The following OR13A1 variants were observed in gnomAD, a reference collection of about 807,000 sequenced individuals.
OR13A1 encodes the protein olfactory receptor 13A1.
OR13A1 carries 10 observed loss-of-function variants against 7.5 expected under a neutral mutation model. That is an observed-to-expected ratio of 1.34 (90% CI 0.83 to 2.27). OR13A1 has a LOEUF of 2.27. Among genes scored for constraint, OR13A1 ranks in the 30% most tolerant of loss-of-function variants. OR13A1 has a pLI of 0.00. For missense variants in OR13A1, 509 were observed against 419.1 expected (o/e 1.21, Z -1.87); for synonymous variants, 238 against 177.9 (o/e 1.34, Z -2.69).
At chr10:45,304,711 G>C (rs1407686017) in intron 3 of OR13A1, among the ~76,000 whole-genome samples, 1 of 152,142 alleles carries the variant, frequency 6.6e-6, no homozygotes, top group Non-Finnish European at 1.5e-5. Flanking sequence ...AGAAAAGCAT[G>C]ATATTAACTA....
In OR13A1 at chr10:45,304,187, A is replaced by T; in HGVS notation, c.236T>A (p.Phe79Tyr). 1 of 1,614,224 alleles carries T rather than the reference A, an allele frequency of 6.2e-7. No individual in the cohort carries two copies. Among genetic ancestry groups the T allele is most frequent in the Non-Finnish European group, 8.5e-7 (1 of 1,180,042 alleles). Residue 79 changes from phenylalanine (F) to tyrosine (Y), a missense_variant, in exon 4 of 4, where the codon TTT becomes TAT. Phe to Tyr is a conservative substitution (Grantham distance 22). Coordinates refer to ENST00000553795, the MANE Select transcript of OR13A1 (RefSeq NM_001004297.3). ...CATAGTAGCCAAGTTGAGTAAGAAA[A>T]AGTACATAGGAGCGTGGAGCCCAGG... is the stretch of plus-strand genomic sequence containing the variant. ...FNPGLHAPMY[F>Y]FLLNLATMDI...
At chr10:45,309,880 C>T (rs962017650) in intron 1 of OR13A1, among the ~76,000 whole-genome samples, 1 of 152,154 alleles carries the variant, frequency 6.6e-6, no homozygotes, top group South Asian at 2.1e-4. Flanking sequence ...TCTTAAATAG[C>T]TGCAGAAACT....
chr10:45,312,227 A>C (rs1838459296), intron 1 of OR13A1, among the ~76,000 whole-genome samples: 2 of 152,142 alleles, frequency 1.3e-5, no homozygotes, highest in South Asian at 4.1e-4. Flanking sequence ...AAATGTAATG[A>C]AAAATATAAA....
Position 45,303,719 on chromosome 10 carries a change from G to T in OR13A1, c.704C>A (p.Ser235Tyr), listed in dbSNP as rs548270998. Residue 235 changes from serine to tyrosine, a missense_variant, in exon 4 of 4, where the codon TCC becomes TAC. Coordinates refer to ENST00000553795, the MANE Select transcript of OR13A1 (RefSeq NM_001004297.3). ...GIVNFLMTIA[S>Y]YGFIVSSILK... ...GATGCTGGAGACGATGAAGCCATAG[G>T]ACGCGATGGTCATCAGGAAGTTCAC... is the stretch of plus-strand genomic sequence containing the variant. 5.6e-6 allele frequency: 9 copies of T among 1,614,206 alleles called. No homozygotes were observed. The African/African-American group carries it at 9.3e-5, about 17-fold the overall frequency.
At position 45,303,022 on chromosome 10, in the gene OR13A1, G is replaced by T. The variant is rs1220333652; in HGVS notation, c.*414C>A. 6.1e-6 allele frequency: 1 copy of T among 163,246 alleles called. No individual in the cohort carries two copies. Among genetic ancestry groups the T allele is most frequent in the African/African-American group, 2.4e-5 (1 of 41,760 alleles). The allele number at this position is 163,246 out of a possible 1,614,324, so 10.1% of individuals were successfully genotyped here. On this transcript the variant is annotated 3_prime_UTR_variant, in exon 4 of 4. Transcript: ENST00000553795. ...TCAGTCTGACAACCCTTCAGGGGCT[G>T]TGGGGTCCACAATTCTGCCTAACTT...
chr10:45,304,515 G>C (rs1838289075), intron 3 of OR13A1, 81 bp from the exon 4 acceptor site: 4 of 1,202,960 alleles, frequency 3.3e-6, no homozygotes, highest in Non-Finnish European at 4.7e-6. Context: ...ATGAAAGATA[G>C]AGATGCATTA....
intron 1 of OR13A1, among the ~76,000 whole-genome samples, chr10:45,310,377 C>G (rs1304940964): frequency 1.3e-5 from 2 of 152,202 alleles, no homozygotes; most frequent in East Asian, 3.8e-4. Flanking sequence ...GATTCTTGAT[C>G]TCCTACGTGA....
rs766209070 is a variant in OR13A1, at chr10:45,304,254, G to C, written c.169C>G (p.Leu57Val). The C allele has an allele frequency of 2.2e-5, 35 of 1,614,082 alleles. No homozygotes were observed. Among genetic ancestry groups the C allele is most frequent in the Non-Finnish European group, 2.8e-5 (33 of 1,180,048 alleles). ...AAGGTGATGAGGACATTACCTGTGA[G>C]GGCCCCAGAGTAGAGGAAGAGGAAA... is the stretch of plus-strand genomic sequence containing the variant. ...SCFLFLYSGA[L>V]TGNVLITLAI... is the part of the protein sequence containing the mutation. The change falls in exon 4 of 4, where the codon CTC becomes GTC. Residue 57 changes from leucine (L) to valine (V), a missense_variant. Coordinates refer to ENST00000553795, the MANE Select transcript of OR13A1 (RefSeq NM_001004297.3).
At chr10:45,308,594 C>A (rs1331156413) in intron 1 of OR13A1, 1 of 152,104 alleles carries the variant, frequency 6.6e-6, no homozygotes, top group Non-Finnish European at 1.5e-5. Context: ...TGGATCAACT[C>A]AACAAAAACC....
In OR13A1 at chr10:45,303,369, A is replaced by T. The variant is rs1294684910; in HGVS notation, c.*67T>A. Reference sequence around the variant, plus strand: ...AACAAGTCTATTTACCTCCCAGTCCAGAAACTTGCTCATCAGACTCCACTA... The same window carrying T: ...AACAAGTCTATTTACCTCCCAGTCCTGAAACTTGCTCATCAGACTCCACTA... On this transcript the variant is annotated 3_prime_UTR_variant, in exon 4 of 4. Transcript: ENST00000553795. The T allele has an allele frequency of 2.0e-6, 3 of 1,486,126 alleles. No individual in the cohort carries two copies. The African/African-American group carries it at 4.2e-5, about 21-fold the overall frequency. The allele number at this position is 1,486,126 out of a possible 1,614,324, so 92.1% of individuals were successfully genotyped here.
At chr10:45,313,740 C>G (rs1838480711) in intron 1 of OR13A1, among the ~76,000 whole-genome samples, 2 of 152,102 alleles carry the variant, frequency 1.3e-5, no homozygotes, top group South Asian at 2.1e-4. Flanking sequence ...ATATATACCT[C>G]TAATACCAGA....
In OR13A1 at chr10:45,303,983, G is replaced by T. The variant is rs201230704; in HGVS notation, c.440C>A (p.Pro147Gln). Residue 147 changes from proline to glutamine, a missense_variant, in exon 4 of 4, where the codon CCG becomes CAG. Pro to Gln is a moderately conservative substitution (Grantham distance 76, BLOSUM62 -1). Transcript: ENST00000553795. ...GCTCATCATGCTGCTGTAATGCAGC[G>T]GGTGGCAGATGGCTGCGTACCGGTC... ...AYDRYAAICH[P>Q]LHYSSMMSKV... 1 of 1,612,684 alleles carries T rather than the reference G, an allele frequency of 6.2e-7. No individual in the cohort carries two copies. Among genetic ancestry groups the T allele is most frequent in the Admixed American group, 1.7e-5 (1 of 59,904 alleles).
chr10:45,309,549 G>T (rs939142535), intron 1 of OR13A1, among the ~76,000 whole-genome samples: 10 of 151,990 alleles, frequency 6.6e-5, no homozygotes, highest in Non-Finnish European at 4.4e-5. Context: ...TCCAGACCTG[G>T]GGTAAAATCT....
Position 45,303,427 on chromosome 10 carries a change from A to G in OR13A1, c.*9T>C. The G allele has an allele frequency of 6.3e-7, 1 of 1,578,134 alleles. No homozygotes were observed. Among genetic ancestry groups the G allele is most frequent in the South Asian group, 1.2e-5 (1 of 85,854 alleles). ...AGTCTCCAAGGACAAAAACTTCAGAAGACACAAGTTAATTTCTGAAGAAAG... is the reference window on the plus strand; with the variant it reads ...AGTCTCCAAGGACAAAAACTTCAGAGGACACAAGTTAATTTCTGAAGAAAG... On this transcript the variant is annotated 3_prime_UTR_variant, in exon 4 of 4. Transcript: ENST00000553795.
rs563788282 is a variant in OR13A1 at position 45,312,826 on chromosome 10, C to T, written c.-225+2698G>A. Reference sequence around the variant, plus strand: ...CCAAAAATATTATATCCAGCAAAACCATCCTTCAAACATAAAGGAAAAATC... The same window carrying T: ...CCAAAAATATTATATCCAGCAAAACTATCCTTCAAACATAAAGGAAAAATC... On this transcript the variant is annotated intron_variant, in intron 1 of 3. Coordinates refer to ENST00000553795, the MANE Select transcript of OR13A1 (RefSeq NM_001004297.3). 7.9e-5 allele frequency among the ~76,000 whole-genome samples: 12 copies of T among 152,166 alleles called. No homozygotes were observed. The East Asian group carries it at 2.1e-3, about 27-fold the overall frequency.
intron 1 of OR13A1, among the ~76,000 whole-genome samples, chr10:45,311,114 G>T (rs1014400428): frequency 6.6e-6 from 1 of 152,196 alleles, no homozygotes; most frequent in Non-Finnish European, 1.5e-5. Context: ...TCCTGCCTGG[G>T]CAATACCACT....
intron 1 of OR13A1, among the ~76,000 whole-genome samples, chr10:45,311,054 A>G (rs1435822307): frequency 6.6e-6 from 1 of 152,234 alleles, no homozygotes; most frequent in Non-Finnish European, 1.5e-5. Context: ...GGCCAAGGAA[A>G]TGCTTGGAAA....
intron 3 of OR13A1, among the ~76,000 whole-genome samples, chr10:45,304,712 A>C (rs1418213474): frequency 6.6e-6 from 1 of 152,228 alleles, no homozygotes; most frequent in Non-Finnish European, 1.5e-5. Context: ...GAAAAGCATG[A>C]TATTAACTAG....
chr10:45,303,346 C>A lies in OR13A1; in HGVS notation c.*90G>T. 7.4e-7 allele frequency: 1 copy of A among 1,360,286 alleles called. No homozygotes were observed. Among genetic ancestry groups the A allele is most frequent in the Non-Finnish European group, 1.0e-6 (1 of 993,750 alleles). 84.3% of individuals were successfully genotyped at this position (1,360,286 alleles called of 1,614,324 possible). The stretch of plus-strand genomic sequence containing the variant: ...ACAGGTTCTGCTGGGTTAGAAAAAA[C>A]AAGTCTATTTACCTCCCAGTCCAGA... On this transcript the variant is annotated 3_prime_UTR_variant, in exon 4 of 4. Coordinates refer to ENST00000553795, the MANE Select transcript of OR13A1 (RefSeq NM_001004297.3).
Sources: gnomAD v4.1 joint callset for allele counts (sites outside exome capture counted in the v4.1 genomes callset) on GRCh38, gnomAD v4.1.1 for gene constraint, MANE v1.5 for transcripts, NCBI Gene and HGNC (gene_info 2026-07-23, HGNC 2026-07-21) for gene names.